RB1CC1: variants seen among roughly 807,000 people sequenced by gnomAD.
RB1CC1 encodes RB1 inducible coiled-coil 1, also known as RB1-inducible coiled-coil protein 1.
In RB1CC1, 46 loss-of-function variants were observed where a neutral mutation model predicts 177.5. That is an observed-to-expected ratio of 0.26 (90% CI 0.20 to 0.33). The LOEUF is 0.33. Among genes scored for constraint, RB1CC1 ranks in the 10% least tolerant of loss-of-function variants. The pLI is 1.00. For missense variants in RB1CC1, 1,703 were observed against 1,816.3 expected, an observed-to-expected ratio of 0.94 and a Z score of 1.13; for synonymous variants, 666 against 613.6, an observed-to-expected ratio of 1.09 and a Z score of -1.26.
At chr8:52,631,062 C>A (rs1848717429) in intron 20 of RB1CC1, among the ~76,000 whole-genome samples, 1 of 152,164 alleles carries the variant, frequency 6.6e-6, no homozygotes, top group Admixed American at 6.6e-5. Flanking sequence ...TTGGACCACA[C>A]AATCTAAGCT....
chr8:52,652,688 C>T (rs1424272612), intron 15 of RB1CC1, among the ~76,000 whole-genome samples: 1 of 152,122 alleles, frequency 6.6e-6, no homozygotes, highest in African/African-American at 2.4e-5. Context: ...GGTAAACACG[C>T]ATGCACACAG....
chr8:52,629,417 C>T (rs1848608915), intron 21 of RB1CC1, among the ~76,000 whole-genome samples: 1 of 152,056 alleles, frequency 6.6e-6, no homozygotes, highest in Non-Finnish European at 1.5e-5. Context: ...ATTATTAAAC[C>T]ATTCAATTGA....
At chr8:52,667,171 A>G (rs1852140888) in intron 8 of RB1CC1, among the ~76,000 whole-genome samples, 2 of 152,242 alleles carry the variant, frequency 1.3e-5, no homozygotes, top group African/African-American at 2.4e-5. Flanking sequence ...TCCTCCAGAA[A>G]TCAAGGTGAT....
intron 1 of RB1CC1, among the ~76,000 whole-genome samples, chr8:52,709,263 T>C (rs1856853359): frequency 6.6e-6 from 1 of 152,116 alleles, no homozygotes. Flanking sequence ...TTTCCAGATG[T>C]ACAGGAATAA....
chr8:52,660,053 T>C (rs1392475980), intron 12 of RB1CC1, among the ~76,000 whole-genome samples: 1 of 152,224 alleles, frequency 6.6e-6, no homozygotes, highest in Non-Finnish European at 1.5e-5. Context: ...AGCCCCCATA[T>C]TGCTTTGATC....
At chr8:52,668,645 T>C (rs1001456630) in intron 7 of RB1CC1, among the ~76,000 whole-genome samples, 1 of 152,194 alleles carries the variant, frequency 6.6e-6, no homozygotes, top group Non-Finnish European at 1.5e-5. Context: ...CAATTATGCT[T>C]TCTCACTCTT....
In RB1CC1 at chr8:52,676,360, C is replaced by A. The variant is rs749968981; in HGVS notation, c.572+9G>T. On this transcript the variant is annotated intron_variant, in intron 6 of 23. Transcript: ENST00000025008. ...AAACAAATATTATCCATTTTAATGG[C>A]AAACATACTGAGTAAGTTTTAACTT... is the stretch of plus-strand genomic sequence containing the variant. The A allele has an allele frequency of 1.9e-6, 3 of 1,587,340 alleles. No individual in the cohort carries two copies. The Admixed American group carries it at 5.2e-5, about 28-fold the overall frequency.
At chr8:52,683,847 G>C (rs1854001233) in intron 4 of RB1CC1, 40 bp downstream of exon 4, 1 of 1,603,664 alleles carries the variant, frequency 6.2e-7, no homozygotes, top group Non-Finnish European at 8.5e-7. Flanking sequence ...GTGATGTAAA[G>C]ATGTTGCATT....
chr8:52,706,622 C>T (rs1444737466), intron 1 of RB1CC1, among the ~76,000 whole-genome samples: 3 of 151,688 alleles, frequency 2.0e-5, no homozygotes, highest in African/African-American at 7.3e-5. Context: ...GTCCCAGCTA[C>T]TCGGGAGGCT....
At chr8:52,708,712 A>C (rs1856805975) in intron 1 of RB1CC1, among the ~76,000 whole-genome samples, 1 of 152,180 alleles carries the variant, frequency 6.6e-6, no homozygotes, top group African/African-American at 2.4e-5. Flanking sequence ...TTATGAGGAC[A>C]TCTGGTCCTC....
intron 5 of RB1CC1, among the ~76,000 whole-genome samples, chr8:52,679,299 T>C (rs1853473210): frequency 6.6e-6 from 1 of 152,216 alleles, no homozygotes; most frequent in South Asian, 2.1e-4. Context: ...CCTAAAACAG[T>C]TCTGCTGAAT....
At chr8:52,655,719 T>C (rs1274004771) in intron 15 of RB1CC1, among the ~76,000 whole-genome samples, 2 of 152,050 alleles carry the variant, frequency 1.3e-5, no homozygotes, top group African/African-American at 4.8e-5. Context: ...GAGAAACTTA[T>C]GAATTAAAAA....
At chr8:52,680,075 T>C (rs908824488) in intron 5 of RB1CC1, among the ~76,000 whole-genome samples, 3 of 152,068 alleles carry the variant, frequency 2.0e-5, no homozygotes, top group Admixed American at 1.3e-4. Flanking sequence ...GAGGAATAAT[T>C]CTATTCATTC....
intron 18 of RB1CC1, among the ~76,000 whole-genome samples, 170 bp downstream of exon 18, chr8:52,642,181 C>T (rs945539291): frequency 4.6e-5 from 7 of 152,092 alleles, no homozygotes; most frequent in African/African-American, 1.7e-4. Context: ...CAAAATAATT[C>T]ATTCAGTAAT....
At chr8:52,658,476 C>T (rs1851279980) in intron 13 of RB1CC1, among the ~76,000 whole-genome samples, 1 of 148,754 alleles carries the variant, frequency 6.7e-6, no homozygotes, top group African/African-American at 2.5e-5. Flanking sequence ...ACTCAGGAGG[C>T]TGAGGCAGGA....
chr8:52,684,058 A>T (rs1348379951), intron 3 of RB1CC1, 45 bp from the exon 4 acceptor site: 1 of 1,569,620 alleles, frequency 6.4e-7, no homozygotes, highest in Admixed American at 1.8e-5. Context: ...ATATTTGCCC[A>T]ATGACTTTAT....
At chr8:52,679,291 T>C (rs535617049) in intron 5 of RB1CC1, among the ~76,000 whole-genome samples, 1 of 152,320 alleles carries the variant, frequency 6.6e-6, no homozygotes, top group South Asian at 2.1e-4. Context: ...ATCTTTAACC[T>C]AAAACAGTTC....
intron 21 of RB1CC1, among the ~76,000 whole-genome samples, chr8:52,629,192 T>C (rs935462732): frequency 3.9e-5 from 6 of 152,178 alleles, no homozygotes; most frequent in African/African-American, 7.2e-5. Context: ...ATCACAGATA[T>C]CTGACAACCA....
rs1849337329 is a variant in RB1CC1, at chr8:52,638,700, A to G, written c.4338-2631T>C. Among the ~76,000 whole-genome samples the G allele has an allele frequency of 3.3e-5, 5 of 152,054 alleles. No homozygotes were observed. The South Asian group carries it at 1.0e-3, about 32-fold the overall frequency. On this transcript the variant is annotated intron_variant, in intron 18 of 23. Coordinates refer to ENST00000025008, the MANE Select transcript of RB1CC1 (RefSeq NM_014781.5). ...TTCAGAGTAGTCTTTTATTTTCTTT[A>G]AGAAACTCTGTAAGTTCAAAAAAAA...
Sources: gnomAD v4.1 joint callset for allele counts (sites outside exome capture counted in the v4.1 genomes callset) on GRCh38, gnomAD v4.1.1 for gene constraint, MANE v1.5 for transcripts, NCBI Gene and HGNC (gene_info 2026-07-23, HGNC 2026-07-21) for gene names.